RAPGEF1: variants seen among roughly 807,000 people sequenced by gnomAD.
RAPGEF1 encodes CRK SH3-binding GNRP.
Under a neutral mutation model 143.3 loss-of-function variants are expected in RAPGEF1, and 33 were observed. The ratio of observed to expected loss-of-function variants is 0.23; its 90% CI spans 0.17 to 0.31. RAPGEF1 has a LOEUF of 0.31. Ranked by LOEUF, RAPGEF1 falls within the 10% of genes least tolerant of loss-of-function variation. The probability of loss-of-function intolerance (pLI) is 1.00; values close to 1 mark genes in which losing one functional copy is unlikely to be tolerated. For synonymous variants in RAPGEF1, 629 were observed against 676.5 expected (o/e 0.93, Z 1.09); for missense variants, 1,199 against 1,645.4 (o/e 0.73, Z 4.69).
chr9:131,615,334 A>G (rs889804547), intron 12 of RAPGEF1, among the ~76,000 whole-genome samples: 2 of 152,178 alleles, frequency 1.3e-5, no homozygotes, highest in African/African-American at 4.8e-5. Flanking sequence ...TTGGCCTCCC[A>G]AAGTGCTGGG....
chr9:131,656,814 TTTA>T (rs1194912600), intron 1 of RAPGEF1, among the ~76,000 whole-genome samples: 1 of 152,026 alleles, frequency 6.6e-6, no homozygotes, highest in East Asian at 1.9e-4. Context: ...ACTCAAGAGG[TTTA>T]TTATTGCACT....
rs1952436210 is a variant in RAPGEF1, at chr9:131,584,736, C to G, written c.3234-140G>C. The G allele has an allele frequency of 1.4e-6, 1 of 721,892 alleles. No individual in the cohort carries two copies. Among genetic ancestry groups the G allele is most frequent in the East Asian group, 2.6e-5 (1 of 38,020 alleles). The allele number at this position is 721,892 out of a possible 1,614,324, so 44.7% of individuals were successfully genotyped here. On this transcript the variant is annotated intron_variant, in intron 22 of 26. Transcript: ENST00000683357. The surrounding 1 kb of genome is among the most constrained non-coding windows in gnomAD (Gnocchi z 6.8). Reference sequence around the variant, plus strand: ...CCTACTGAATACCTGCAGCCTGCCCCAGGCATAGATCTAGTTTCTGCTCTC... The same window carrying G: ...CCTACTGAATACCTGCAGCCTGCCCGAGGCATAGATCTAGTTTCTGCTCTC...
At position 131,583,544 on chromosome 9, in the gene RAPGEF1, C is replaced by A. The variant is rs1194400509; in HGVS notation, c.3414+767G>T. 6.7e-6 allele frequency among the ~76,000 whole-genome samples: 1 copy of A among 150,070 alleles called. No homozygotes were observed. Among genetic ancestry groups the A allele is most frequent in the Non-Finnish European group, 1.5e-5 (1 of 67,434 alleles). Reference sequence around the variant, plus strand: ...TCTGGTCACACTCAGGTCCCTGACACAATCCCTGGGTGGCCTGGCTGAACT... The same window carrying A: ...TCTGGTCACACTCAGGTCCCTGACAAAATCCCTGGGTGGCCTGGCTGAACT... On this transcript the variant is annotated intron_variant, in intron 24 of 26. Coordinates refer to ENST00000683357, the MANE Select transcript of RAPGEF1 (RefSeq NM_001377935.1). The surrounding 1 kb of genome is among the most constrained non-coding windows in gnomAD (Gnocchi z 4.7).
At chr9:131,713,611 G>T (rs1422505489) in intron 1 of RAPGEF1, among the ~76,000 whole-genome samples, 4 of 152,156 alleles carry the variant, frequency 2.6e-5, no homozygotes, top group Non-Finnish European at 4.4e-5. Context: ...ACATTCATGT[G>T]TACCATTATG....
At chr9:131,702,764 G>T (rs1340294448) in intron 1 of RAPGEF1, among the ~76,000 whole-genome samples, 1 of 152,156 alleles carries the variant, frequency 6.6e-6, no homozygotes, top group Non-Finnish European at 1.5e-5. Context: ...ACTTACTGCT[G>T]CCTGACCTGT....
chr9:131,626,023 C>G lies in RAPGEF1; in HGVS notation c.1601G>C (p.Gly534Ala), dbSNP rs200547421. The G allele has an allele frequency of 6.2e-7, 1 of 1,612,062 alleles. No homozygotes were observed. The highest frequency in any genetic ancestry group is 8.5e-7 in the Non-Finnish European group (1 of 1,178,348). The change falls in exon 10 of 27, where the codon GGT (glycine) becomes GCT (alanine). Residue 534 changes from glycine to alanine, a missense_variant. Physicochemically the swap from Gly to Ala is moderately conservative, Grantham distance 60. Around this residue, in one of 6 missense-constraint regions of RAPGEF1, gnomAD observed 613 missense variants for 710.9 expected, o/e 0.86. Coordinates refer to ENST00000683357, the MANE Select transcript of RAPGEF1 (RefSeq NM_001377935.1). ...CACAAATTCGACAGGGGCTGAGGAACCTCCATGCTGAAAGGGCAGAATAGC... is the reference window on the plus strand; with the variant it reads ...CACAAATTCGACAGGGGCTGAGGAAGCTCCATGCTGAAAGGGCAGAATAGC... ...FAAILPFQHG[G>A]SSAPVEFVGD...
At chr9:131,592,207 C>G (rs1421192536) in intron 17 of RAPGEF1, 24 bp from the exon 18 acceptor site, 2 of 1,561,128 alleles carry the variant, frequency 1.3e-6, no homozygotes, top group Non-Finnish European at 1.8e-6. Flanking sequence ...ACAATGCAAA[C>G]TGCTTGTCTG....
chr9:131,700,151 C>T (rs1342315036), intron 1 of RAPGEF1, among the ~76,000 whole-genome samples: 1 of 152,226 alleles, frequency 6.6e-6, no homozygotes, highest in Admixed American at 6.5e-5. Context: ...CTCAACCCCT[C>T]AGTAAATCCC....
intron 1 of RAPGEF1, among the ~76,000 whole-genome samples, chr9:131,659,390 TG>T (rs1235227520): frequency 6.6e-6 from 1 of 152,146 alleles, no homozygotes; most frequent in Non-Finnish European, 1.5e-5. Context: ...GGCTAATTTT[TG>T]TATTTTTGGT....
chr9:131,709,898 T>A lies in RAPGEF1; in HGVS notation c.61+29872A>T, dbSNP rs573914344. On this transcript the variant is annotated intron_variant, in intron 1 of 26. Coordinates refer to ENST00000683357, the MANE Select transcript of RAPGEF1 (RefSeq NM_001377935.1). ...AATCCCTTTGGCCCCAGGGAGGAAA[T>A]CAGAAGAAAGGGCTTGTTATCGCCC... The A allele has an allele frequency of 9.1e-6, 9 of 985,346 alleles. No individual in the cohort carries two copies. In the South Asian group the frequency reaches 4.2e-4, roughly 46 times the overall value. The allele number at this position is 985,346 out of a possible 1,614,324, so 61.0% of individuals were successfully genotyped here. A position where few individuals can be genotyped will look rare whatever the true frequency, so the allele number is the denominator to read the frequency against.
intron 1 of RAPGEF1, among the ~76,000 whole-genome samples, chr9:131,724,116 C>G (rs1336774051): frequency 1.3e-5 from 2 of 152,272 alleles, no homozygotes; most frequent in South Asian, 2.1e-4. Context: ...CGAGAGAAGA[C>G]AGAGGTGAGT....
chr9:131,601,723 T>C lies in RAPGEF1; in HGVS notation c.2501+338A>G, dbSNP rs112056492. 8.9e-4 allele frequency among the ~76,000 whole-genome samples: 135 copies of C among 151,776 alleles called. 2 individuals are homozygous for C. The highest frequency in any genetic ancestry group is 6.3e-3 in the South Asian group (30 of 4,780). ...GAGTTAGTGACCATCCTAGGCAACA[T>C]AGCGAGACCTCGTCTCTACAAAAAA... On this transcript the variant is annotated intron_variant, in intron 15 of 26. Coordinates refer to ENST00000683357, the MANE Select transcript of RAPGEF1 (RefSeq NM_001377935.1).
rs1169788643 is a variant in RAPGEF1 at position 131,584,260 on chromosome 9, G to A, written c.3414+51C>T. 3 of 1,499,570 alleles carry A rather than the reference G, an allele frequency of 2.0e-6. No homozygotes were observed. The Admixed American group carries it at 5.7e-5, about 29-fold the overall frequency. 92.9% of individuals were successfully genotyped at this position (1,499,570 alleles called of 1,614,324 possible). On this transcript the variant is annotated intron_variant, in intron 24 of 26. Transcript: ENST00000683357. This position sits in a 1 kb window ranked among gnomAD's most constrained non-coding sequence, Gnocchi z 6.8. ...GCCACAGCTAGTCGCCTGAGGGCTG[G>A]GCGGCCCCCCTTACCAGCCACCCTC...
chr9:131,740,057 G>A lies in RAPGEF1; in HGVS notation c.-227C>T, dbSNP rs1413976933. ...CCGCCGCCGCTCCCCCGGCCCGCGA[G>A]CCGGCCGCAGCGCAGCGACGCCGCC... On this transcript the variant is annotated 5_prime_UTR_variant, in exon 1 of 27. Coordinates refer to ENST00000683357, the MANE Select transcript of RAPGEF1 (RefSeq NM_001377935.1). This position sits in a 1 kb window ranked among gnomAD's most constrained non-coding sequence, Gnocchi z 4.5. The A allele has an allele frequency of 1.4e-5, 2 of 145,868 alleles. No homozygotes were observed. Among genetic ancestry groups the A allele is most frequent in the Non-Finnish European group, 3.0e-5 (2 of 65,838 alleles). The allele number at this position is 145,868 out of a possible 1,614,324, so 9.0% of individuals were successfully genotyped here.
chr9:131,714,769 G>A (rs1835747876), intron 1 of RAPGEF1, among the ~76,000 whole-genome samples: 2 of 144,288 alleles, frequency 1.4e-5, no homozygotes, highest in South Asian at 4.3e-4. Flanking sequence ...GTGCAGTGGT[G>A]CAATCACAGC....
In RAPGEF1 at chr9:131,628,163, G is replaced by T; in HGVS notation, c.1018-67C>A. ...AAACGGTGGCACAGACCAGGGGTGA[G>T]GCAACCGGTGCATTTACTTAGAGAA... On this transcript the variant is annotated intron_variant, in intron 8 of 26. Transcript: ENST00000683357. The surrounding 1 kb of genome is among the most constrained non-coding windows in gnomAD (Gnocchi z 5.7). 1 of 1,362,544 alleles carries T rather than the reference G, an allele frequency of 7.3e-7. No homozygotes were observed. The highest frequency in any genetic ancestry group is 9.7e-7 in the Non-Finnish European group (1 of 1,027,040). The allele number at this position is 1,362,544 out of a possible 1,614,324, so 84.4% of individuals were successfully genotyped here.
chr9:131,650,308 T>C lies in RAPGEF1; in HGVS notation c.202-66A>G. On this transcript the variant is annotated intron_variant, in intron 2 of 26. Transcript: ENST00000683357. This position sits in a 1 kb window ranked among gnomAD's most constrained non-coding sequence, Gnocchi z 4.7. ...GGCTGTTTGAGGCCGAAGGGAGGGG[T>C]TGATGAAAGTCAATAGCTGTTTCAA... The C allele has an allele frequency of 3.2e-6, 4 of 1,243,080 alleles. No individual in the cohort carries two copies. The highest frequency in any genetic ancestry group is 4.6e-6 in the Non-Finnish European group (4 of 869,200). The allele number at this position is 1,243,080 out of a possible 1,614,324, so 77.0% of individuals were successfully genotyped here. A position where few individuals can be genotyped will look rare whatever the true frequency, so the allele number is the denominator to read the frequency against.
intron 1 of RAPGEF1, among the ~76,000 whole-genome samples, chr9:131,724,948 C>T (rs1392876424): frequency 6.6e-6 from 1 of 152,188 alleles, no homozygotes; most frequent in Non-Finnish European, 1.5e-5. Context: ...TTACAAAGGA[C>T]ACAGATGAAG....
chr9:131,645,738 C>T (rs1392916780), intron 3 of RAPGEF1, among the ~76,000 whole-genome samples: 2 of 152,248 alleles, frequency 1.3e-5, no homozygotes, highest in African/African-American at 2.4e-5. Flanking sequence ...CTGCATAACC[C>T]GAGGGCAGGT....
Sources: gnomAD v4.1 joint callset for allele counts (sites outside exome capture counted in the v4.1 genomes callset) on GRCh38, gnomAD v4.1.1 for gene constraint, gnomAD v4.1.1 regional missense constraint, Gnocchi (gnomAD v3.1) non-coding constraint, MANE v1.5 for transcripts, NCBI Gene and HGNC (gene_info 2026-07-23, HGNC 2026-07-21) for gene names.